Variants in UGGT1 observed in about 807,000 individuals in gnomAD.
UGGT1 encodes the protein UDP-glucose:glycoprotein glucosyltransferase 1.
Under a neutral mutation model 203.9 loss-of-function variants are expected in UGGT1, and 107 were observed. The ratio of observed to expected loss-of-function variants is 0.52; its 90% CI spans 0.45 to 0.62. The LOEUF (loss-of-function observed/expected upper bound fraction) is 0.62, where lower values mean the gene tolerates loss of function less well. UGGT1 is among the 20% of genes least tolerant of loss of function. The pLI is 0.00. For missense variants in UGGT1, 1,673 were observed against 1,867.2 expected (o/e 0.90, Z 1.92); for synonymous variants, 628 against 653.5 (o/e 0.96, Z 0.59).
In UGGT1 at chr2:128,171,398, C is replaced by T. The variant is rs1241350592; in HGVS notation, c.3104+114C>T. 2.0e-5 allele frequency: 20 copies of T among 988,402 alleles called. No homozygotes were observed. In the Middle Eastern group the frequency reaches 7.2e-4, roughly 35 times the overall value. The allele number at this position is 988,402 out of a possible 1,614,324, so 61.2% of individuals were successfully genotyped here. ...AGGTGGACATCATGTTTGAAATGGT[C>T]ATTTACTAAATGTTCAGTTTTGCCA... On this transcript the variant is annotated intron_variant, in intron 28 of 40. Coordinates refer to ENST00000259253, the MANE Select transcript of UGGT1 (RefSeq NM_020120.4).
At chr2:128,179,255 A>G (rs1021208612) in intron 34 of UGGT1, among the ~76,000 whole-genome samples, 2 of 152,210 alleles carry the variant, frequency 1.3e-5, no homozygotes, top group African/African-American at 4.8e-5. Flanking sequence ...AATAGTGACA[A>G]TAATAACAAC....
chr2:128,109,609 G>A, intron 4 of UGGT1, 25 bp from the exon 5 acceptor site: 1 of 1,565,020 alleles, frequency 6.4e-7, no homozygotes, highest in Non-Finnish European at 8.8e-7. Flanking sequence ...AATTTAAAAA[G>A]TATGTGTTGT....
chr2:128,177,005 A>G, intron 32 of UGGT1, 107 bp downstream of exon 32: 1 of 1,086,684 alleles, frequency 9.2e-7, no homozygotes, highest in Non-Finnish European at 1.4e-6. Flanking sequence ...TATGGCAATT[A>G]TAGGGATACT....
intron 34 of UGGT1, 105 bp from the exon 35 acceptor site, chr2:128,179,681 G>C (rs1283565451): frequency 1.1e-6 from 1 of 914,384 alleles, no homozygotes; most frequent in Non-Finnish European, 1.7e-6. Flanking sequence ...CCATTAGTTA[G>C]CTCTGCCGTA....
chr2:128,119,699 A>G (rs959848517), intron 8 of UGGT1, among the ~76,000 whole-genome samples: 2 of 152,182 alleles, frequency 1.3e-5, no homozygotes, highest in African/African-American at 4.8e-5. Context: ...TTTTACTTTG[A>G]GAAATTACAG....
At chr2:128,144,852 C>G (rs1689605329) in intron 17 of UGGT1, among the ~76,000 whole-genome samples, 1 of 152,152 alleles carries the variant, frequency 6.6e-6, no homozygotes, top group East Asian at 1.9e-4. Flanking sequence ...TTAAATTCTG[C>G]TATTTTCAGA....
chr2:128,177,495 C>T (rs1334822101), intron 32 of UGGT1, among the ~76,000 whole-genome samples: 1 of 152,182 alleles, frequency 6.6e-6, no homozygotes, highest in African/African-American at 2.4e-5. Context: ...CCCCAGCAGC[C>T]ACACTCTTCC....
At position 128,156,540 on chromosome 2, in the gene UGGT1, A is replaced by G. The variant is rs1573587465; in HGVS notation, c.2260+125A>G. On this transcript the variant is annotated intron_variant, in intron 21 of 40. Transcript: ENST00000259253. Reference sequence around the variant, plus strand: ...CGGAATCTGTGGGTAACAGGAAGCTATATCAATGTAGATAATTTTTTTTTT... The same window carrying G: ...CGGAATCTGTGGGTAACAGGAAGCTGTATCAATGTAGATAATTTTTTTTTT... The G allele has an allele frequency of 1.1e-5, 7 of 657,074 alleles. No individual in the cohort carries two copies. In the East Asian group the frequency reaches 1.5e-4, roughly 14 times the overall value. The allele number at this position is 657,074 out of a possible 1,614,324, so 40.7% of individuals were successfully genotyped here.
chr2:128,110,761 G>GT (rs1687810327), intron 5 of UGGT1, among the ~76,000 whole-genome samples: 1 of 152,068 alleles, frequency 6.6e-6, no homozygotes. Context: ...TTTATAAAAG[G>GT]TATCTTTCAA....
intron 5 of UGGT1, among the ~76,000 whole-genome samples, chr2:128,110,168 G>A (rs369669950): frequency 3.9e-5 from 6 of 152,106 alleles, no homozygotes; most frequent in Non-Finnish European, 7.3e-5. Context: ...ATAATTGCAG[G>A]CTTGATTTGA....
chr2:128,113,218 A>G lies in UGGT1; in HGVS notation c.656A>G (p.Asn219Ser), dbSNP rs775336319. 6 of 1,612,644 alleles carry G rather than the reference A, an allele frequency of 3.7e-6. No homozygotes were observed. The highest frequency in any genetic ancestry group is 3.3e-5 in the Admixed American group (2 of 59,748). Reference protein sequence around the residue: ...NFHRQLISKSNAGKINYVFRH... With the variant: ...NFHRQLISKSSAGKINYVFRH... ...CACCGCCAGCTTATATCAAAAAGCA[A>G]TGCAGGCAAAATCAATTATGTATTC... The change falls in exon 6 of 41, where the codon AAT becomes AGT. Residue 219 changes from asparagine (N) to serine (S), a missense_variant. Physicochemically the swap from Asn to Ser is conservative, Grantham distance 46 (BLOSUM62 1). This residue lies in a region of UGGT1 where 1,073 missense variants were observed against 1,078.7 expected (regional missense o/e 0.99). Coordinates refer to ENST00000259253, the MANE Select transcript of UGGT1 (RefSeq NM_020120.4).
Position 128,134,929 on chromosome 2 carries a change from T to G in UGGT1, c.1551T>G (p.Ala517=). Residue 517 remains alanine (A), a synonymous_variant, in exon 15 of 41, where the codon GCT becomes GCG. Coordinates refer to ENST00000259253, the MANE Select transcript of UGGT1 (RefSeq NM_020120.4). ...HETTAELMNT[A]EMFLSNHIPL... Reference sequence around the variant, plus strand: ...CCACAGCAGAGTTGATGAACACAGCTGAGATGTTCCTTAGTAATCATATAC... The same window carrying G: ...CCACAGCAGAGTTGATGAACACAGCGGAGATGTTCCTTAGTAATCATATAC... The G allele has an allele frequency of 6.2e-7, 1 of 1,613,982 alleles. No individual in the cohort carries two copies. The highest frequency in any genetic ancestry group is 8.5e-7 in the Non-Finnish European group (1 of 1,179,952).
intron 16 of UGGT1, among the ~76,000 whole-genome samples, chr2:128,142,662 G>C: frequency 6.6e-6 from 1 of 150,638 alleles, no homozygotes; most frequent in East Asian, 2.0e-4. Context: ...AGGAAGAATT[G>C]CTAACATGTC....
At position 128,142,636 on chromosome 2, in the gene UGGT1, G is replaced by A. The variant is rs1558788725; in HGVS notation, c.1720-458G>A. 2.7e-5 allele frequency among the ~76,000 whole-genome samples: 4 copies of A among 150,282 alleles called. No individual in the cohort carries two copies. In the South Asian group the frequency reaches 8.4e-4, roughly 32 times the overall value. ...ATTTCCAACCTAGGAAGCCATCTTA[G>A]TAAGGTATATGGAAAAGGAAGAATT... On this transcript the variant is annotated intron_variant, in intron 16 of 40. Transcript: ENST00000259253.
rs866315229 is a variant in UGGT1, at chr2:128,162,397, G to A, written c.2825+1129G>A. On this transcript the variant is annotated intron_variant, in intron 25 of 40. Transcript: ENST00000259253. ...CGAGGTTGCAATGAGCTGAGATTGC[G>A]CCACTGCACTCCAGCTTGGGTGACA... Among the ~76,000 whole-genome samples, 36 of 151,672 alleles carry A rather than the reference G, an allele frequency of 2.4e-4. No homozygotes were observed. The Middle Eastern group carries it at 0.01, about 43-fold the overall frequency.
chr2:128,129,247 T>C (rs942314043), intron 13 of UGGT1, 68 bp downstream of exon 13: 15 of 1,528,938 alleles, frequency 9.8e-6, no homozygotes, highest in Middle Eastern at 2.0e-4. Flanking sequence ...TTCTGATTTG[T>C]CTCTTATGAG....
Position 128,149,804 on chromosome 2 carries a change from T to A in UGGT1, c.2017-2980T>A, listed in dbSNP as rs1218319327. 1.3e-4 allele frequency among the ~76,000 whole-genome samples: 19 copies of A among 142,788 alleles called. 1 individual carries two copies. Among genetic ancestry groups the A allele is most frequent in the Middle Eastern group, 7.6e-3 (2 of 264 alleles). 93.7% of individuals were successfully genotyped at this position (142,788 alleles called of 152,430 possible). A position where few individuals can be genotyped will look rare whatever the true frequency, so the allele number is the denominator to read the frequency against. ...CCGTCTCAAGAAAAAAAAAAAATAA[T>A]AATAATAATTAGCTGGGCGTGGTGG... On this transcript the variant is annotated intron_variant, in intron 18 of 40. Coordinates refer to ENST00000259253, the MANE Select transcript of UGGT1 (RefSeq NM_020120.4).
intron 17 of UGGT1, among the ~76,000 whole-genome samples, chr2:128,145,179 T>A (rs182368500): frequency 6.6e-6 from 1 of 152,352 alleles, no homozygotes; most frequent in East Asian, 1.9e-4. Context: ...TGGACCCTTA[T>A]TTAGAATTGG....
Position 128,149,008 on chromosome 2 carries a change from A to G in UGGT1, c.2016+3041A>G, listed in dbSNP as rs72848159. ...GTGCAGCTGGGGAGATGTAAATAGTAGTGGGGCAAATTAATTGTTACAAAG... is the reference window on the plus strand; with the variant it reads ...GTGCAGCTGGGGAGATGTAAATAGTGGTGGGGCAAATTAATTGTTACAAAG... On this transcript the variant is annotated intron_variant, in intron 18 of 40. Coordinates refer to ENST00000259253, the MANE Select transcript of UGGT1 (RefSeq NM_020120.4). 3.0e-3 allele frequency among the ~76,000 whole-genome samples: 463 copies of G among 152,148 alleles called. 2 individuals carry two copies. Among genetic ancestry groups the G allele is most frequent in the Non-Finnish European group, 5.2e-3 (356 of 67,994 alleles).
Sources: allele counts gnomAD v4.1 joint callset (sites outside exome capture counted in the v4.1 genomes callset), GRCh38; gene constraint gnomAD v4.1.1; regional missense constraint gnomAD v4.1.1; transcripts MANE v1.5; gene names NCBI Gene and HGNC (gene_info 2026-07-23, HGNC 2026-07-21).